FRMPD4: variants seen among roughly 807,000 people sequenced by gnomAD.
FRMPD4 encodes the protein FERM and PDZ domain-containing protein 4.
In FRMPD4, 22 loss-of-function variants were observed where a neutral mutation model predicts 94.1. The ratio of observed to expected loss-of-function variants is 0.23; its 90% CI spans 0.17 to 0.33. The LOEUF is 0.33. FRMPD4 is among the 10% of genes least tolerant of loss of function. The pLI, the probability that FRMPD4 is intolerant of heterozygous loss-of-function variation, is 1.00. For synonymous variants in FRMPD4, 631 were observed against 548.6 expected, an observed-to-expected ratio of 1.15 and a Z score of -2.10; for missense variants, 1,111 against 1,339.9, an observed-to-expected ratio of 0.83 and a Z score of 2.67.
chrX:12,145,518 G>A (rs914982287), intron 1 of FRMPD4, among the ~76,000 whole-genome samples: 1 of 112,963 alleles, frequency 8.9e-6, no homozygotes, highest in Non-Finnish European at 1.9e-5. Context: ...GGCTCAGGGC[G>A]ATGTCCTGCT....
intron 1 of FRMPD4, among the ~76,000 whole-genome samples, chrX:12,177,256 G>T (rs2056306695): frequency 8.9e-6 from 1 of 112,156 alleles, no homozygotes; most frequent in African/African-American, 3.2e-5. Context: ...ACTGAAGCAG[G>T]GTGGTAGCCA....
intron 1 of FRMPD4, among the ~76,000 whole-genome samples, chrX:12,201,132 A>G (rs760048016): frequency 8.9e-6 from 1 of 112,193 alleles, no homozygotes; most frequent in East Asian, 2.8e-4. Flanking sequence ...TAAATCACAT[A>G]TTTCCCTCAT....
At chrX:12,569,353 G>A (rs973476819) in intron 2 of FRMPD4, among the ~76,000 whole-genome samples, 1 of 111,763 alleles carries the variant, frequency 8.9e-6, no homozygotes, top group Non-Finnish European at 1.9e-5. Flanking sequence ...CTAATACAAA[G>A]TTGTAATTAA....
At chrX:12,369,915 A>ATAG (rs2056139087) in intron 1 of FRMPD4, among the ~76,000 whole-genome samples, 1 of 111,763 alleles carries the variant, frequency 8.9e-6, no homozygotes. Context: ...CCTCTATTAT[A>ATAG]TAGAAATATG....
chrX:12,714,020 T>C lies in FRMPD4; in HGVS notation c.1610-2049T>C, dbSNP rs754731933. Among the ~76,000 whole-genome samples, 4 of 112,019 alleles carry C rather than the reference T, an allele frequency of 3.6e-5. No individual in the cohort carries two copies. The East Asian group carries it at 1.1e-3, about 31-fold the overall frequency. ...TCAGTAAGTATCCATCAACTTGCTTTGAGCCTGCTGACCTATTCAGTTTTC... is the reference window on the plus strand; with the variant it reads ...TCAGTAAGTATCCATCAACTTGCTTCGAGCCTGCTGACCTATTCAGTTTTC... On this transcript the variant is annotated intron_variant, in intron 14 of 16. Transcript: ENST00000675598.
At chrX:12,514,863 G>T (rs770484679) in intron 2 of FRMPD4, among the ~76,000 whole-genome samples, 1 of 111,562 alleles carries the variant, frequency 9.0e-6, no homozygotes, top group African/African-American at 3.3e-5. Context: ...TTTTTTGGTT[G>T]GTAGGCTATT....
intron 1 of FRMPD4, among the ~76,000 whole-genome samples, chrX:12,185,103 A>G (rs2056408211): frequency 9.0e-6 from 1 of 111,712 alleles, no homozygotes; most frequent in Non-Finnish European, 1.9e-5. Context: ...CATCTCATGC[A>G]CACCATAAGT....
At chrX:12,238,928 A>C (rs1009051105) in intron 1 of FRMPD4, among the ~76,000 whole-genome samples, 1 of 112,257 alleles carries the variant, frequency 8.9e-6, no homozygotes, top group African/African-American at 3.2e-5. Flanking sequence ...CGTTCTTTAG[A>C]TAGTGGAATA....
chrX:12,290,513 C>T (rs2054668940), intron 1 of FRMPD4, among the ~76,000 whole-genome samples: 1 of 112,101 alleles, frequency 8.9e-6, no homozygotes, highest in South Asian at 3.7e-4. Context: ...TGTTACTTTG[C>T]CATTGCTTTT....
rs571355547 is a variant in FRMPD4, at chrX:12,007,077, C to T, written c.95+129059C>T. Among the ~76,000 whole-genome samples, 10 of 111,810 alleles carry T rather than the reference C, an allele frequency of 8.9e-5. No individual in the cohort carries two copies. The South Asian group carries it at 1.2e-3, about 13-fold the overall frequency. ...ATTGCTTAAACAATAGAATTCATTG[C>T]GATGCTGCTGTGTCAGTTTCTGGGC... On this transcript the variant is annotated intron_variant, in intron 3 of 18. Coordinates refer to the FRMPD4 transcript ENST00000640291.
intron 3 of FRMPD4, among the ~76,000 whole-genome samples, chrX:12,006,662 T>C (rs1401897843): frequency 8.9e-6 from 1 of 112,221 alleles, no homozygotes; most frequent in Non-Finnish European, 1.9e-5. Flanking sequence ...GACTCCCTCC[T>C]TCTCCACAGC....
At chrX:12,016,758 C>T (rs757401978) in intron 3 of FRMPD4, among the ~76,000 whole-genome samples, 24 of 111,910 alleles carry the variant, frequency 2.1e-4, no homozygotes, top group Non-Finnish European at 2.8e-4. Flanking sequence ...AGTTAGAGAA[C>T]GCCTCTCTCT....
At chrX:12,600,058 C>T (rs1005037601) in intron 2 of FRMPD4, among the ~76,000 whole-genome samples, 13 of 111,193 alleles carry the variant, frequency 1.2e-4, no homozygotes, top group Non-Finnish European at 2.3e-4. Context: ...CTTGGTTTAA[C>T]ATTTCATTGA....
intron 4 of FRMPD4, among the ~76,000 whole-genome samples, chrX:12,631,742 A>T (rs983026857): frequency 9.0e-6 from 1 of 111,667 alleles, no homozygotes; most frequent in Non-Finnish European, 1.9e-5. Flanking sequence ...ATATTTTTCA[A>T]ATGTCTCCAT....
chrX:12,482,057 C>G (rs923950524), intron 1 of FRMPD4, among the ~76,000 whole-genome samples: 4 of 105,881 alleles, frequency 3.8e-5, no homozygotes, highest in African/African-American at 1.4e-4. Context: ...ATTCTTCATC[C>G]TTATCGTCTT....
At chrX:12,282,878 A>ATGAGGAGGTCC (rs762719183) in intron 1 of FRMPD4, among the ~76,000 whole-genome samples, 1,886 of 112,471 alleles carry the variant, frequency 0.017, 39 homozygotes, top group African/African-American at 0.058. Context: ...AATTTCCAGA[A>ATGAGGAGGTCC]AGGTCAATGT....
intron 1 of FRMPD4, among the ~76,000 whole-genome samples, chrX:12,351,415 T>C (rs922250369): frequency 9.0e-6 from 1 of 111,422 alleles, no homozygotes; most frequent in African/African-American, 3.3e-5. Flanking sequence ...GTCTTGGTGA[T>C]TTCAGTCTTG....
intron 1 of FRMPD4, among the ~76,000 whole-genome samples, chrX:12,476,986 C>T (rs1362790420): frequency 8.9e-6 from 1 of 111,893 alleles, no homozygotes; most frequent in African/African-American, 3.3e-5. Context: ...AATCATGCTG[C>T]TATAAAGACA....
At chrX:12,571,311 A>C (rs912666130) in intron 2 of FRMPD4, among the ~76,000 whole-genome samples, 1 of 112,722 alleles carries the variant, frequency 8.9e-6, no homozygotes, top group Non-Finnish European at 1.9e-5. Context: ...AGTTAAAAAA[A>C]TTTTTTTAAA....
Sources: gnomAD v4.1 joint callset for allele counts (sites outside exome capture counted in the v4.1 genomes callset) on GRCh38, gnomAD v4.1.1 for gene constraint, MANE v1.5 for transcripts, NCBI Gene and HGNC (gene_info 2026-07-23, HGNC 2026-07-21) for gene names.